Variants in TMEM41A observed in about 807,000 individuals in gnomAD.
TMEM41A encodes the protein transmembrane protein 41A.
Under a neutral mutation model 25.7 loss-of-function variants are expected in TMEM41A, and 20 were observed. The ratio of observed to expected loss-of-function variants is 0.78; its 90% CI spans 0.55 to 1.13. The LOEUF is 1.13. TMEM41A is among the 50% of genes most tolerant of loss of function. The probability of loss-of-function intolerance (pLI) is 0.00; values close to 1 mark genes in which losing one functional copy is unlikely to be tolerated. For missense variants in TMEM41A, 299 were observed against 314.3 expected (o/e 0.95, Z 0.37); for synonymous variants, 133 against 139.6 (o/e 0.95, Z 0.33).
At position 185,498,986 on chromosome 3, in the gene TMEM41A, G is replaced by A. The variant is rs373666779; in HGVS notation, c.-25C>T. On this transcript the variant is annotated 5_prime_UTR_variant, in exon 1 of 5. Coordinates refer to ENST00000421852, the MANE Select transcript of TMEM41A (RefSeq NM_080652.4). ...TGTCGGCTCCGCACCCCGGCCCGCG[G>A]GGCAGCCGAGAAGCTCACTTGCACT... 1.3e-6 allele frequency: 2 copies of A among 1,577,222 alleles called. No homozygotes were observed. Among genetic ancestry groups the A allele is most frequent in the Non-Finnish European group, 1.7e-6 (2 of 1,160,926 alleles).
rs922021183 is a variant in TMEM41A at position 185,491,059 on chromosome 3, G to A, written c.*478C>T. The A allele has an allele frequency of 7.0e-6, 1 of 143,022 alleles. No homozygotes were observed. Among genetic ancestry groups the A allele is most frequent in the East Asian group, 2.0e-4 (1 of 4,938 alleles). 8.9% of individuals were successfully genotyped at this position (143,022 alleles called of 1,614,324 possible). A position where few individuals can be genotyped will look rare whatever the true frequency, so the allele number is the denominator to read the frequency against. On this transcript the variant is annotated 3_prime_UTR_variant, in exon 5 of 5. Coordinates refer to ENST00000421852, the MANE Select transcript of TMEM41A (RefSeq NM_080652.4). The stretch of plus-strand genomic sequence containing the variant: ...ATCACCCAGGCTGGAGTGCAGTGGT[G>A]TGATCTTGGCTTACTGCAACCTCTG...
intron 1 of TMEM41A, among the ~76,000 whole-genome samples, 156 bp from the exon 2 acceptor site, chr3:185,497,137 T>C (rs1033655879): frequency 6.6e-6 from 1 of 152,196 alleles, no homozygotes; most frequent in Non-Finnish European, 1.5e-5. Flanking sequence ...GATGACCTGA[T>C]ACGACGTTGC....
chr3:185,490,689 G>C lies in TMEM41A; in HGVS notation c.*848C>G. On this transcript the variant is annotated 3_prime_UTR_variant, in exon 5 of 5. Transcript: ENST00000421852. ...GGCAGTTCGTCAACTTGTTTCACTTGGCTTATGAAGAGGTAGGTCATCAGC... is the reference window on the plus strand; with the variant it reads ...GGCAGTTCGTCAACTTGTTTCACTTCGCTTATGAAGAGGTAGGTCATCAGC... 1 of 152,190 alleles carries C rather than the reference G, an allele frequency of 6.6e-6. No homozygotes were observed. The highest frequency in any genetic ancestry group is 1.9e-4 in the East Asian group (1 of 5,198). 9.4% of individuals were successfully genotyped at this position (152,190 alleles called of 1,614,324 possible).
In TMEM41A at chr3:185,495,146, C is replaced by A. The variant is rs780424181; in HGVS notation, c.435+8G>T. ...GTCCCAGCTCTCAGATGTGACCCCT[C>A]CCCTTACCTTTCTCTGCAGCAGGGC... On this transcript the variant is annotated splice_region_variant and intron_variant, in intron 3 of 4. Coordinates refer to ENST00000421852, the MANE Select transcript of TMEM41A (RefSeq NM_080652.4). 6.2e-7 allele frequency: 1 copy of A among 1,613,220 alleles called. No homozygotes were observed. Among genetic ancestry groups the A allele is most frequent in the South Asian group, 1.1e-5 (1 of 91,066 alleles).
At chr3:185,496,680 C>T (rs1390742326) in intron 2 of TMEM41A, 148 bp downstream of exon 2, 3 of 988,732 alleles carry the variant, frequency 3.0e-6, no homozygotes, top group South Asian at 1.5e-5. Flanking sequence ...TCAATCCCTC[C>T]GTAAGTGCTG....
At position 185,496,815 on chromosome 3, in the gene TMEM41A, G is replaced by C. The variant is rs745396530; in HGVS notation, c.273+13C>G. 20 of 1,601,326 alleles carry C rather than the reference G, an allele frequency of 1.2e-5. No homozygotes were observed. In the South Asian group the frequency reaches 2.2e-4, roughly 17 times the overall value. ...ATAAGGAAACAGGGTTGGAGGGAGG[G>C]CAGGACACTGACCAGGAAGCTGGAG... On this transcript the variant is annotated intron_variant, in intron 2 of 4. Transcript: ENST00000421852.
Position 185,498,877 on chromosome 3 carries a change from G to T in TMEM41A, c.85C>A (p.Arg29=). 6.2e-7 allele frequency: 1 copy of T among 1,605,860 alleles called. No homozygotes were observed. The highest frequency in any genetic ancestry group is 8.5e-7 in the Non-Finnish European group (1 of 1,177,104). Reference sequence around the variant, plus strand: ...GCCTCCTCGGTGGAGCCCAGTCTCCGCCCGCGGGGCAGTCGCGTCGACAGC... The same window carrying T: ...GCCTCCTCGGTGGAGCCCAGTCTCCTCCCGCGGGGCAGTCGCGTCGACAGC... The part of the protein sequence containing the change: ...YLLSTRLPRG[R]RLGSTEEAGG... The change falls in exon 1 of 5, where the codon CGG becomes AGG. Residue 29 remains arginine, a synonymous_variant. Coordinates refer to ENST00000421852, the MANE Select transcript of TMEM41A (RefSeq NM_080652.4).
rs553592976 is a variant in TMEM41A at position 185,495,635 on chromosome 3, TCTCA to T, written c.274-324_274-321del. ...TTTAAAATTTTTTGTGGAGATGGGGTCTCACTGTGTTGCCCAGGCTGGTTTCAAA... is the reference window on the plus strand; with the variant it reads ...TTTAAAATTTTTTGTGGAGATGGGGTCTGTGTTGCCCAGGCTGGTTTCAAA... On this transcript the variant is annotated intron_variant, in intron 2 of 4. Coordinates refer to ENST00000421852, the MANE Select transcript of TMEM41A (RefSeq NM_080652.4). The T allele has an allele frequency of 1.8e-3, 529 of 297,848 alleles. 6 individuals are homozygous for T. The highest frequency in any genetic ancestry group is 0.01 in the African/African-American group (477 of 47,514). 18.5% of individuals were successfully genotyped at this position (297,848 alleles called of 1,614,324 possible).
intron 1 of TMEM41A, among the ~76,000 whole-genome samples, chr3:185,497,301 C>G (rs1350630707): frequency 4.6e-5 from 7 of 152,190 alleles, no homozygotes; most frequent in Admixed American, 3.9e-4. Context: ...TTAAGTTCCC[C>G]TTTAGCTCTG....
chr3:185,497,702 T>C (rs543289170), intron 1 of TMEM41A, among the ~76,000 whole-genome samples: 1 of 152,294 alleles, frequency 6.6e-6, no homozygotes, highest in African/African-American at 2.4e-5. Flanking sequence ...CATCACTGAT[T>C]AATCATGAGC....
Position 185,491,489 on chromosome 3 carries a change from C to A in TMEM41A, c.*48G>T, listed in dbSNP as rs370119061. 4 of 1,504,238 alleles carry A rather than the reference C, an allele frequency of 2.7e-6. No homozygotes were observed. The highest frequency in any genetic ancestry group is 1.7e-5 in the Admixed American group (1 of 59,324). 93.2% of individuals were successfully genotyped at this position (1,504,238 alleles called of 1,614,324 possible). The stretch of plus-strand genomic sequence containing the variant: ...GGGCTTTAGAGGACCACATCCATTA[C>A]ACAAATAAGCAACTGAGTCCAGGGA... On this transcript the variant is annotated 3_prime_UTR_variant, in exon 5 of 5. Transcript: ENST00000421852.
intron 1 of TMEM41A, 135 bp downstream of exon 1, chr3:185,498,708 T>G (rs956204940): frequency 1.5e-6 from 1 of 683,362 alleles, no homozygotes; most frequent in Non-Finnish European, 2.4e-6. Flanking sequence ...AGACCCGGAT[T>G]CCAGTCCGAT....
rs1718919191 is a variant in TMEM41A at position 185,490,652 on chromosome 3, G to A, written c.*885C>T. 1 of 152,240 alleles carries A rather than the reference G, an allele frequency of 6.6e-6. No individual in the cohort carries two copies. The highest frequency in any genetic ancestry group is 1.5e-5 in the Non-Finnish European group (1 of 68,042). 9.4% of individuals were successfully genotyped at this position (152,240 alleles called of 1,614,324 possible). A position where few individuals can be genotyped will look rare whatever the true frequency, so the allele number is the denominator to read the frequency against. ...AAATCATCATGTATGTGAGCAACACGTGGAAGTCCTAGGCAGTTCGTCAAC... is the reference window on the plus strand; with the variant it reads ...AAATCATCATGTATGTGAGCAACACATGGAAGTCCTAGGCAGTTCGTCAAC... On this transcript the variant is annotated 3_prime_UTR_variant, in exon 5 of 5. Transcript: ENST00000421852.
intron 1 of TMEM41A, among the ~76,000 whole-genome samples, 190 bp from the exon 2 acceptor site, chr3:185,497,171 T>C (rs1437770772): frequency 1.3e-5 from 2 of 152,168 alleles, no homozygotes; most frequent in Non-Finnish European, 2.9e-5. Context: ...AGAGCCCTAG[T>C]TTGGAAGCAA....
intron 2 of TMEM41A, chr3:185,495,535 G>T: frequency 1.8e-6 from 1 of 564,954 alleles, no homozygotes; most frequent in East Asian, 2.9e-5. Flanking sequence ...CGAACTCCTG[G>T]ACTCAAGCGA....
At chr3:185,498,219 C>G (rs1168298305) in intron 1 of TMEM41A, among the ~76,000 whole-genome samples, 1 of 148,514 alleles carries the variant, frequency 6.7e-6, no homozygotes, top group Non-Finnish European at 1.5e-5. Context: ...GAGCCGAGAT[C>G]GCGCCACTGC....
At position 185,491,521 on chromosome 3, in the gene TMEM41A, A is replaced by G. The variant is rs769418170; in HGVS notation, c.*16T>C. The G allele has an allele frequency of 5.6e-6, 9 of 1,606,352 alleles. No individual in the cohort carries two copies. The East Asian group carries it at 1.8e-4, about 32-fold the overall frequency. On this transcript the variant is annotated 3_prime_UTR_variant, in exon 5 of 5. Coordinates refer to ENST00000421852, the MANE Select transcript of TMEM41A (RefSeq NM_080652.4). Reference sequence around the variant, plus strand: ...AAGCAACTGAGTCCAGGGATGTGGCAAACAGAAAATCCAGATCATGTGTCT... The same window carrying G: ...AAGCAACTGAGTCCAGGGATGTGGCGAACAGAAAATCCAGATCATGTGTCT...
intron 3 of TMEM41A, 105 bp from the exon 4 acceptor site, chr3:185,494,866 C>T (rs1204434552): frequency 1.5e-6 from 2 of 1,321,908 alleles, no homozygotes; most frequent in Non-Finnish European, 2.1e-6. Context: ...TAATCTGTTC[C>T]CAATTCTTCC....
intron 4 of TMEM41A, chr3:185,493,179 T>C (rs779267770): frequency 2.6e-5 from 4 of 152,150 alleles, no homozygotes; most frequent in Non-Finnish European, 5.9e-5. Flanking sequence ...ACTGATTTTA[T>C]AGGATGTTAG....
Sources: allele counts gnomAD v4.1 joint callset (sites outside exome capture counted in the v4.1 genomes callset), GRCh38; gene constraint gnomAD v4.1.1; transcripts MANE v1.5; gene names NCBI Gene and HGNC (gene_info 2026-07-23, HGNC 2026-07-21).